SUGCT: variants seen among roughly 807,000 people sequenced by gnomAD.
The protein encoded by SUGCT is succinyl-CoA:glutarate-CoA transferase.
In SUGCT, 41 loss-of-function variants were observed where a neutral mutation model predicts 55.0. The observed-to-expected ratio is 0.74, with a 90% CI of 0.58 to 0.97. SUGCT has a LOEUF of 0.97. Among genes scored for constraint, SUGCT ranks in the 50% least tolerant of loss-of-function variants. SUGCT has a pLI of 0.00. For missense variants in SUGCT, 568 were observed against 547.8 expected (o/e 1.04, Z -0.37); for synonymous variants, 187 against 200.4 (o/e 0.93, Z 0.56).
At chr7:40,375,494 A>G (rs1474401086) in intron 9 of SUGCT, among the ~76,000 whole-genome samples, 3 of 152,154 alleles carry the variant, frequency 2.0e-5, no homozygotes, top group Non-Finnish European at 4.4e-5. Flanking sequence ...CCTACTCCCC[A>G]TCTCATGGCC....
chr7:40,692,187 A>G (rs1314999814), intron 12 of SUGCT, among the ~76,000 whole-genome samples: 2 of 152,194 alleles, frequency 1.3e-5, no homozygotes, highest in East Asian at 1.9e-4. Context: ...ATACATTGCC[A>G]TAAGTGGTAT....
intron 9 of SUGCT, among the ~76,000 whole-genome samples, chr7:40,434,327 T>A (rs552166712): frequency 2.0e-5 from 3 of 152,194 alleles, no homozygotes; most frequent in Non-Finnish European, 4.4e-5. Flanking sequence ...AGTTCAATAG[T>A]TGAGGTACAT....
chr7:40,654,103 C>T (rs2151843335), intron 12 of SUGCT, among the ~76,000 whole-genome samples: 1 of 152,184 alleles, frequency 6.6e-6, no homozygotes, highest in East Asian at 1.9e-4. Context: ...ATCAATATCT[C>T]ACAAACACTG....
rs1491179043 is a variant in SUGCT at position 40,377,173 on chromosome 7, T to TC, written c.816+60319dup. ...TTCTTTCTTTCTTTCTTTCTTTCTT[T>TC]CTTTCTTTCTTTCTTTCTTTCTTTC... On this transcript the variant is annotated intron_variant, in intron 9 of 13. Transcript: ENST00000335693. 3.1e-4 allele frequency among the ~76,000 whole-genome samples: 5 copies of TC among 15,876 alleles called. 1 individual carries two copies. Among genetic ancestry groups the TC allele is most frequent in the South Asian group, 4.5e-3 (1 of 220 alleles). 10.4% of individuals were successfully genotyped at this position (15,876 alleles called of 152,430 possible).
intron 12 of SUGCT, among the ~76,000 whole-genome samples, chr7:40,579,400 A>G (rs953911173): frequency 6.6e-6 from 1 of 152,132 alleles, no homozygotes; most frequent in African/African-American, 2.4e-5. Context: ...GGGGCCATTG[A>G]AAAGCTGGGA....
chr7:40,970,687 A>G, the SUGCT span, among the ~76,000 whole-genome samples: 1 of 152,342 alleles, frequency 6.6e-6, no homozygotes, highest in South Asian at 2.1e-4. Context: ...GAGACTCCAA[A>G]GAAGGAATTC....
intron 7 of SUGCT, among the ~76,000 whole-genome samples, chr7:40,268,197 C>A (rs1791734424): frequency 6.6e-6 from 1 of 152,134 alleles, no homozygotes; most frequent in Non-Finnish European, 1.5e-5. Context: ...TTACAACAGT[C>A]AATTTTAGAA....
At chr7:40,494,209 C>T (rs1229920321) in intron 11 of SUGCT, among the ~76,000 whole-genome samples, 1 of 120,616 alleles carries the variant, frequency 8.3e-6, no homozygotes, top group Non-Finnish European at 1.8e-5. Context: ...TTGGTGAGTC[C>T]AGTGGTGATA....
At chr7:40,429,847 C>A (rs541031279) in intron 9 of SUGCT, among the ~76,000 whole-genome samples, 1 of 152,154 alleles carries the variant, frequency 6.6e-6, no homozygotes, top group African/African-American at 2.4e-5. Context: ...ACATAGTACC[C>A]TCTCTTTTGT....
chr7:40,836,943 G>C (rs1257786701), intron 13 of SUGCT, among the ~76,000 whole-genome samples: 1 of 152,028 alleles, frequency 6.6e-6, no homozygotes, highest in Non-Finnish European at 1.5e-5. Flanking sequence ...ATTTCTCGGG[G>C]ATACATGTTT....
chr7:40,979,959 G>A, the SUGCT span: 1 of 152,152 alleles, frequency 6.6e-6, no homozygotes, highest in South Asian at 2.1e-4. Context: ...TGCTCAGGCT[G>A]TCATAATGAA....
At chr7:40,993,830 A>G in the SUGCT span, among the ~76,000 whole-genome samples, 1 of 152,212 alleles carries the variant, frequency 6.6e-6, no homozygotes, top group Non-Finnish European at 1.5e-5. Flanking sequence ...TTTAACCTGT[A>G]AAGTGGTGAT....
At chr7:40,207,907 C>T (rs527658138) in intron 6 of SUGCT, among the ~76,000 whole-genome samples, 4 of 152,258 alleles carry the variant, frequency 2.6e-5, no homozygotes, top group African/African-American at 4.8e-5. Context: ...CACGCATTTT[C>T]ATAGCAGCAT....
intron 8 of SUGCT, among the ~76,000 whole-genome samples, chr7:40,311,718 T>C (rs1795166655): frequency 6.6e-6 from 1 of 152,232 alleles, no homozygotes; most frequent in South Asian, 2.1e-4. Context: ...TCTTTACTAT[T>C]CCAAAGAAGG....
intron 12 of SUGCT, among the ~76,000 whole-genome samples, chr7:40,576,213 A>G (rs11486857): frequency 0.031 from 4,780 of 152,282 alleles, 260 homozygotes; most frequent in African/African-American, 0.11. Flanking sequence ...AAAAGAATTA[A>G]AAGTGATGAG....
At chr7:40,421,760 T>C (rs1021658292) in intron 9 of SUGCT, among the ~76,000 whole-genome samples, 2 of 152,148 alleles carry the variant, frequency 1.3e-5, no homozygotes, top group African/African-American at 4.8e-5. Flanking sequence ...AAAAAATGCT[T>C]CCTTGAGAAG....
chr7:40,429,085 A>G (rs998677583), intron 9 of SUGCT, among the ~76,000 whole-genome samples: 6 of 151,446 alleles, frequency 4.0e-5, no homozygotes, highest in Non-Finnish European at 7.4e-5. Context: ...TACTATAGTG[A>G]AGCAAGTTAA....
the SUGCT span, among the ~76,000 whole-genome samples, chr7:40,888,711 G>A: frequency 2.6e-5 from 4 of 152,198 alleles, no homozygotes; most frequent in African/African-American, 4.8e-5. Context: ...CTGCACTTGG[G>A]AGGATTTATG....
At chr7:40,548,648 G>T (rs1795140709) in intron 12 of SUGCT, among the ~76,000 whole-genome samples, 1 of 151,934 alleles carries the variant, frequency 6.6e-6, no homozygotes, top group Admixed American at 6.6e-5. Context: ...TTGTACATTT[G>T]CAATAATCAG....
Sources: allele counts gnomAD v4.1 joint callset (sites outside exome capture counted in the v4.1 genomes callset), GRCh38; gene constraint gnomAD v4.1.1; transcripts MANE v1.5; gene names NCBI Gene and HGNC (gene_info 2026-07-23, HGNC 2026-07-21).